KCNH1: variants seen among roughly 807,000 people sequenced by gnomAD.
The protein encoded by KCNH1 is potassium voltage-gated channel subfamily H member 1, also known as voltage-gated delayed rectifier potassium channel KCNH1.
In KCNH1, 27 loss-of-function variants were observed where a neutral mutation model predicts 69.2. The ratio of observed to expected loss-of-function variants is 0.39; its 90% CI spans 0.29 to 0.54. The LOEUF is 0.54. Ranked by LOEUF, KCNH1 falls within the 20% of genes least tolerant of loss-of-function variation. The pLI is 0.68. For missense variants in KCNH1, 798 were observed against 1,261.6 expected, an observed-to-expected ratio of 0.63 and a Z score of 5.57; for synonymous variants, 456 against 487.7, an observed-to-expected ratio of 0.93 and a Z score of 0.86.
intron 5 of KCNH1, among the ~76,000 whole-genome samples, chr1:211,078,032 A>G (rs879029454): frequency 6.6e-6 from 1 of 152,238 alleles, no homozygotes; most frequent in Non-Finnish European, 1.5e-5. Context: ...AGGCCATTAC[A>G]TAATGGTAAA....
At chr1:210,811,113 TC>T (rs370528691) in intron 7 of KCNH1, among the ~76,000 whole-genome samples, 9 of 152,282 alleles carry the variant, frequency 5.9e-5, no homozygotes, top group African/African-American at 2.2e-4. Flanking sequence ...TGTACAAAGT[TC>T]CCCTTAATTC....
intron 6 of KCNH1, among the ~76,000 whole-genome samples, chr1:210,985,726 G>A (rs1688817849): frequency 6.6e-6 from 1 of 152,168 alleles, no homozygotes; most frequent in Non-Finnish European, 1.5e-5. Flanking sequence ...TTTGGAACAG[G>A]TGTGGTGTGG....
In KCNH1 at chr1:210,919,445, CTT is replaced by C. The variant is rs1687414977; in HGVS notation, c.1462+193_1462+194del. ...TAGTCTTTACTTTCTACTTTGCACT[CTT>C]TTGTATTTTCTAAATTTTTTTGCAG... On this transcript the variant is annotated intron_variant, in intron 7 of 10. Transcript: ENST00000271751. This position sits in a 1 kb window ranked among gnomAD's most constrained non-coding sequence, Gnocchi z 4.2. The C allele has an allele frequency of 6.7e-6, 4 of 596,798 alleles. No individual in the cohort carries two copies. Among genetic ancestry groups the C allele is most frequent in the Non-Finnish European group, 8.9e-6 (3 of 338,208 alleles). The allele number at this position is 596,798 out of a possible 1,614,324, so 37.0% of individuals were successfully genotyped here. A position where few individuals can be genotyped will look rare whatever the true frequency, so the allele number is the denominator to read the frequency against.
At chr1:210,698,044 T>C (rs866128638) in intron 10 of KCNH1, among the ~76,000 whole-genome samples, 3 of 152,206 alleles carry the variant, frequency 2.0e-5, no homozygotes, top group African/African-American at 7.2e-5. Context: ...TATACACAAA[T>C]GGCAAAAGTT....
chr1:210,683,046 C>T lies in KCNH1; in HGVS notation c.*235G>A, dbSNP rs1026979064. 3.6e-6 allele frequency: 2 copies of T among 560,340 alleles called. No individual in the cohort carries two copies. The highest frequency in any genetic ancestry group is 3.7e-5 in the African/African-American group (2 of 53,748). The allele number at this position is 560,340 out of a possible 1,614,324, so 34.7% of individuals were successfully genotyped here. A position where few individuals can be genotyped will look rare whatever the true frequency, so the allele number is the denominator to read the frequency against. On this transcript the variant is annotated 3_prime_UTR_variant, in exon 11 of 11. Coordinates refer to ENST00000271751, the MANE Select transcript of KCNH1 (RefSeq NM_172362.3). This position sits in a 1 kb window ranked among gnomAD's most constrained non-coding sequence, Gnocchi z 5.7. ...CCTTTAGACAGCATGTCCCTTCTTCCAAAATTGTGCAAAGACGGTTCAGAT... is the reference window on the plus strand; with the variant it reads ...CCTTTAGACAGCATGTCCCTTCTTCTAAAATTGTGCAAAGACGGTTCAGAT...
intron 8 of KCNH1, 96 bp from the exon 9 acceptor site, chr1:210,797,856 G>T (rs566962770): frequency 3.6e-6 from 5 of 1,389,594 alleles, no homozygotes; most frequent in Non-Finnish European, 4.0e-6. Context: ...CATCCACTAC[G>T]CCAGACTGCA....
chr1:210,683,233 G>C lies in KCNH1; in HGVS notation c.*48C>G, dbSNP rs375873482. 2 of 1,560,636 alleles carry C rather than the reference G, an allele frequency of 1.3e-6. No individual in the cohort carries two copies. The highest frequency in any genetic ancestry group is 1.7e-6 in the Non-Finnish European group (2 of 1,151,484). Reference sequence around the variant, plus strand: ...CATATGTGGTAGGGGTGGTGGTGACGGCAGGGTTGGAGGTATCTGTCTCTG... The same window carrying C: ...CATATGTGGTAGGGGTGGTGGTGACCGCAGGGTTGGAGGTATCTGTCTCTG... On this transcript the variant is annotated 3_prime_UTR_variant, in exon 11 of 11. Transcript: ENST00000271751. The surrounding 1 kb of genome is among the most constrained non-coding windows in gnomAD (Gnocchi z 5.7).
At chr1:211,059,771 G>A (rs1347863725) in intron 5 of KCNH1, among the ~76,000 whole-genome samples, 1 of 151,936 alleles carries the variant, frequency 6.6e-6, no homozygotes, top group Non-Finnish European at 1.5e-5. Context: ...GAGAGAGAGA[G>A]AGAGAGATTC....
chr1:210,932,001 A>G (rs946727395), intron 6 of KCNH1, among the ~76,000 whole-genome samples: 19 of 152,142 alleles, frequency 1.2e-4, no homozygotes, highest in African/African-American at 4.3e-4. Context: ...AAATTTTTAC[A>G]TTATGTAAAT....
intron 7 of KCNH1, among the ~76,000 whole-genome samples, chr1:210,869,802 TA>T: frequency 6.6e-6 from 1 of 152,278 alleles, no homozygotes; most frequent in East Asian, 1.9e-4. Context: ...TGGCTGGTCA[TA>T]ACTCAAACTT....
At chr1:211,010,792 CT>C (rs906048938) in intron 6 of KCNH1, among the ~76,000 whole-genome samples, 5 of 152,132 alleles carry the variant, frequency 3.3e-5, no homozygotes, top group African/African-American at 1.2e-4. Flanking sequence ...CCCCTGCCAT[CT>C]AAGTCAATTA....
chr1:211,062,196 T>C (rs1218796907), intron 5 of KCNH1, among the ~76,000 whole-genome samples: 2 of 151,982 alleles, frequency 1.3e-5, no homozygotes, highest in Non-Finnish European at 2.9e-5. Context: ...GACAAAGGTA[T>C]GAAAAACATA....
chr1:210,805,603 A>G (rs1041902834), intron 7 of KCNH1, among the ~76,000 whole-genome samples: 1 of 152,230 alleles, frequency 6.6e-6, no homozygotes, highest in Non-Finnish European at 1.5e-5. Flanking sequence ...TTAAGATATA[A>G]TTCATACACC....
In KCNH1 at chr1:211,109,649, T is replaced by C. The variant is rs574453310; in HGVS notation, c.80-2272A>G. Among the ~76,000 whole-genome samples the C allele has an allele frequency of 2.0e-5, 3 of 152,166 alleles. No individual in the cohort carries two copies. The East Asian group carries it at 5.8e-4, about 29-fold the overall frequency. On this transcript the variant is annotated intron_variant, in intron 1 of 10. Transcript: ENST00000271751. ...GGGAAGAATAGCCAGTTATAGATAATGAGTTGACCACATATGTTTATTTTC... is the reference window on the plus strand; with the variant it reads ...GGGAAGAATAGCCAGTTATAGATAACGAGTTGACCACATATGTTTATTTTC...
intron 6 of KCNH1, among the ~76,000 whole-genome samples, chr1:210,947,081 C>G (rs1687971646): frequency 6.6e-6 from 1 of 152,182 alleles, no homozygotes; most frequent in Non-Finnish European, 1.5e-5. Context: ...GCCCTAGAAC[C>G]TACTGTTCTT....
intron 7 of KCNH1, among the ~76,000 whole-genome samples, chr1:210,874,026 G>A (rs752615707): frequency 1.6e-4 from 25 of 152,118 alleles, no homozygotes; most frequent in Non-Finnish European, 3.2e-4. Context: ...CCCTGCGCAC[G>A]TGACATAATT....
At chr1:210,760,503 T>A (rs1683493252) in intron 10 of KCNH1, among the ~76,000 whole-genome samples, 1 of 152,200 alleles carries the variant, frequency 6.6e-6, no homozygotes, top group Non-Finnish European at 1.5e-5. Flanking sequence ...AGGGAATTCA[T>A]CACTACCAGA....
chr1:211,060,636 T>C (rs776183030), intron 5 of KCNH1, among the ~76,000 whole-genome samples: 1 of 151,684 alleles, frequency 6.6e-6, no homozygotes, highest in African/African-American at 2.4e-5. Context: ...GACATTACAA[T>C]GGATATTGCT....
intron 5 of KCNH1, among the ~76,000 whole-genome samples, chr1:211,045,021 T>C (rs1690066992): frequency 7.4e-6 from 1 of 135,270 alleles, no homozygotes; most frequent in African/African-American, 2.8e-5. Flanking sequence ...CAACAATCAA[T>C]GTGTGGATAA....
Sources: gnomAD v4.1 joint callset for allele counts (sites outside exome capture counted in the v4.1 genomes callset) on GRCh38, gnomAD v4.1.1 for gene constraint, Gnocchi (gnomAD v3.1) non-coding constraint, MANE v1.5 for transcripts, NCBI Gene and HGNC (gene_info 2026-07-23, HGNC 2026-07-21) for gene names.